RMP24: variants seen among roughly 807,000 people sequenced by gnomAD.
RMP24 encodes the protein ribonuclease MRP protein subunit p24.
At chr18:35,972,939 G>A in the RMP24 span, 5 of 1,613,760 alleles carry the variant, frequency 3.1e-6, no homozygotes, top group Admixed American at 6.7e-5. Flanking sequence ...TGTGCTTTGG[G>A]CTCTTGTCGC....
chr18:35,974,344 C>G, the RMP24 span, among the ~76,000 whole-genome samples: 1 of 152,194 alleles, frequency 6.6e-6, no homozygotes. Flanking sequence ...GTCTCCAGCA[C>G]TTAGAACAGT....
chr18:35,975,063 G>C, the RMP24 span: 4 of 1,613,666 alleles, frequency 2.5e-6, no homozygotes, highest in South Asian at 4.4e-5. Flanking sequence ...AGCAAAAATG[G>C]TGAAAAAGTT....
chr18:35,975,166 A>C, the RMP24 span: 2 of 1,287,192 alleles, frequency 1.6e-6, no homozygotes, highest in South Asian at 1.4e-5. Context: ...TCAGTTTAAG[A>C]ATCAGCCTCA....
At chr18:35,975,144 T>C in the RMP24 span, 1 of 1,499,034 alleles carries the variant, frequency 6.7e-7, no homozygotes, top group African/African-American at 1.4e-5. Flanking sequence ...TTTTCTTTTC[T>C]TTCACTTAAA....
At chr18:35,977,436 A>T in the RMP24 span, 4 of 1,613,524 alleles carry the variant, frequency 2.5e-6, no homozygotes, top group Non-Finnish European at 3.4e-6. Context: ...CATGCAACAG[A>T]ACAGTGAAAC....
chr18:35,978,268 G>A, the RMP24 span, among the ~76,000 whole-genome samples: 2 of 152,208 alleles, frequency 1.3e-5, no homozygotes, highest in South Asian at 4.1e-4. Context: ...AGCCCTATCT[G>A]GCACCAGTCT....
chr18:35,975,198 T>A, the RMP24 span: 1 of 916,478 alleles, frequency 1.1e-6, no homozygotes, highest in Non-Finnish European at 1.6e-6. Context: ...AGATTTATAG[T>A]AGTATATTTG....
chr18:35,974,920 C>T, the RMP24 span: 4 of 1,613,726 alleles, frequency 2.5e-6, no homozygotes, highest in Non-Finnish European at 3.4e-6. Context: ...TTTGAAGAAA[C>T]GTGTCCATAC....
chr18:35,977,603 A>T, the RMP24 span: 1 of 1,604,848 alleles, frequency 6.2e-7, no homozygotes, highest in Non-Finnish European at 8.5e-7. Context: ...GTTTTCAGGT[A>T]TCTTAATCCA....
the RMP24 span, among the ~76,000 whole-genome samples, chr18:35,976,480 T>G: frequency 6.6e-6 from 1 of 152,202 alleles, no homozygotes; most frequent in African/African-American, 2.4e-5. Context: ...CTGAGTCCTG[T>G]GCACAGTCAA....
the RMP24 span, chr18:35,973,229 TGTC>T: frequency 1.6e-3 from 765 of 490,604 alleles, 6 homozygotes; most frequent in African/African-American, 0.013. Flanking sequence ...CTTTAAGTAT[TGTC>T]GTGGCCCAGT....
At chr18:35,977,944 A>C in the RMP24 span, among the ~76,000 whole-genome samples, 2 of 152,232 alleles carry the variant, frequency 1.3e-5, no homozygotes, top group South Asian at 4.1e-4. Flanking sequence ...TCTGTGAATG[A>C]ACACACCTTT....
chr18:35,972,867 T>A, the RMP24 span: 1 of 1,614,104 alleles, frequency 6.2e-7, no homozygotes, highest in Non-Finnish European at 8.5e-7. Flanking sequence ...TCCTCACAAG[T>A]CTCTTTCTCT....
the RMP24 span, chr18:35,974,911 T>C: frequency 6.2e-7 from 1 of 1,613,278 alleles, no homozygotes; most frequent in Non-Finnish European, 8.5e-7. Flanking sequence ...AAGAGCACTT[T>C]TGAAGAAACG....
At chr18:35,977,221 CA>C in the RMP24 span, among the ~76,000 whole-genome samples, 239 of 139,898 alleles carry the variant, frequency 1.7e-3, no homozygotes, top group African/African-American at 2.8e-3. Flanking sequence ...GACTCCGTCT[CA>C]AAAAAAAAAA....
the RMP24 span, among the ~76,000 whole-genome samples, chr18:35,976,201 G>A: frequency 7.3e-6 from 1 of 136,138 alleles, no homozygotes; most frequent in Non-Finnish European, 1.5e-5. Context: ...CCAGGCTGGA[G>A]TGTAGTGGCG....
chr18:35,974,938 A>C, the RMP24 span: 1 of 1,614,202 alleles, frequency 6.2e-7, no homozygotes, highest in Non-Finnish European at 8.5e-7. Context: ...TACTGTTTCC[A>C]GCTGTTGGTT....
the RMP24 span, chr18:35,973,844 C>G: frequency 6.6e-6 from 1 of 152,372 alleles, no homozygotes; most frequent in Non-Finnish European, 1.5e-5. Context: ...ATCTCTTGAA[C>G]CCGGGAGGTG....
At chr18:35,978,440 A>G in the RMP24 span, among the ~76,000 whole-genome samples, 3 of 152,144 alleles carry the variant, frequency 2.0e-5, no homozygotes, top group African/African-American at 7.2e-5. Context: ...GTGAAATCCC[A>G]TCTCTACTAA....
Sources: allele counts gnomAD v4.1 joint callset (sites outside exome capture counted in the v4.1 genomes callset), GRCh38; gene constraint gnomAD v4.1.1; transcripts MANE v1.5; gene names NCBI Gene and HGNC (gene_info 2026-07-23, HGNC 2026-07-21).